The following CTNNA3 variants were observed in gnomAD, a reference collection of about 807,000 sequenced individuals.
The protein encoded by CTNNA3 is catenin alpha 3.
A neutral mutation model predicts 95.7 loss-of-function variants in CTNNA3; 76 were observed. That is an observed-to-expected ratio of 0.79 (90% CI 0.66 to 0.96). The LOEUF is 0.96. Among genes scored for constraint, CTNNA3 ranks in the 40% least tolerant of loss-of-function variants. The pLI is 0.00. For missense variants in CTNNA3, 1,191 were observed against 1,089.8 expected, an observed-to-expected ratio of 1.09 and a Z score of -1.31; for synonymous variants, 431 against 374.4, an observed-to-expected ratio of 1.15 and a Z score of -1.74.
intron 15 of CTNNA3, among the ~76,000 whole-genome samples, chr10:66,055,620 A>T (rs1416440186): frequency 2.6e-5 from 4 of 152,152 alleles, no homozygotes; most frequent in Admixed American, 2.6e-4. Context: ...GATAGTCTTT[A>T]GTTTTTTTAA....
intron 5 of CTNNA3, among the ~76,000 whole-genome samples, chr10:67,409,058 T>C (rs1180048733): frequency 3.3e-5 from 5 of 152,100 alleles, no homozygotes; most frequent in Admixed American, 1.3e-4. Context: ...CCAATCATAA[T>C]GGCAACTATT....
intron 9 of CTNNA3, among the ~76,000 whole-genome samples, chr10:66,751,177 A>G (rs927887773): frequency 5.4e-4 from 82 of 152,258 alleles, no homozygotes; most frequent in African/African-American, 2.0e-3. Flanking sequence ...CTGAGGCAGA[A>G]GAATCGCTTG....
chr10:67,245,879 A>G (rs2132343731), intron 5 of CTNNA3, among the ~76,000 whole-genome samples: 1 of 150,824 alleles, frequency 6.6e-6, no homozygotes, highest in Admixed American at 6.6e-5. Context: ...AAAAAACCAG[A>G]GAATTATCTA....
At chr10:66,797,889 C>T (rs1422235467) in intron 7 of CTNNA3, among the ~76,000 whole-genome samples, 1 of 151,894 alleles carries the variant, frequency 6.6e-6, no homozygotes, top group African/African-American at 2.4e-5. Flanking sequence ...TTTCCTATCT[C>T]ATTTAACATT....
intron 12 of CTNNA3, among the ~76,000 whole-genome samples, chr10:66,372,719 G>A (rs755129171): frequency 4.0e-4 from 61 of 152,128 alleles, no homozygotes; most frequent in Non-Finnish European, 1.8e-4. Flanking sequence ...TTACAATCAT[G>A]GCAGAAGGCA....
intron 8 of CTNNA3, among the ~76,000 whole-genome samples, chr10:66,773,563 G>A (rs796594155): frequency 6.6e-6 from 1 of 152,182 alleles, no homozygotes; most frequent in South Asian, 2.1e-4. Context: ...CCATTTGACT[G>A]CCACTATGTG....
intron 11 of CTNNA3, among the ~76,000 whole-genome samples, chr10:66,415,702 C>A (rs1198569183): frequency 6.6e-6 from 1 of 152,054 alleles, no homozygotes; most frequent in African/African-American, 2.4e-5. Flanking sequence ...ATAACTGGAC[C>A]CTAAGCCACC....
Position 67,041,188 on chromosome 10 carries a change from T to C in CTNNA3, c.1047+139129A>G, listed in dbSNP as rs141571768. On this transcript the variant is annotated intron_variant, in intron 7 of 17. Coordinates refer to ENST00000433211, the MANE Select transcript of CTNNA3 (RefSeq NM_013266.4). Reference sequence around the variant, plus strand: ...GATCATGTTCTGCCAGAGCAAATAGTACTGAAGAAAATCAAACTTGTCAGA... The same window carrying C: ...GATCATGTTCTGCCAGAGCAAATAGCACTGAAGAAAATCAAACTTGTCAGA... Among the ~76,000 whole-genome samples, 1,127 of 152,144 alleles carry C rather than the reference T, an allele frequency of 7.4e-3. 21 individuals are homozygous for C. Among genetic ancestry groups the C allele is most frequent in the African/African-American group, 0.026 (1,081 of 41,530 alleles).
intron 11 of CTNNA3, among the ~76,000 whole-genome samples, chr10:66,423,234 C>A (rs574440862): frequency 5.3e-5 from 8 of 152,124 alleles, no homozygotes; most frequent in Non-Finnish European, 1.0e-4. Context: ...TTTCCCATTA[C>A]ATATATGTTT....
chr10:66,738,196 G>A (rs1176292344), intron 9 of CTNNA3, among the ~76,000 whole-genome samples: 1 of 152,120 alleles, frequency 6.6e-6, no homozygotes, highest in Non-Finnish European at 1.5e-5. Flanking sequence ...AATTCCCAAG[G>A]ATTGTCAGCT....
chr10:66,763,341 C>CACACAGAGAGAGAG (rs371974709), intron 9 of CTNNA3, among the ~76,000 whole-genome samples: 19 of 139,212 alleles, frequency 1.4e-4, no homozygotes, highest in East Asian at 6.5e-4. Flanking sequence ...CACACACACA[C>CACACAGAGAGAGAG]AGAGAGAGAG....
chr10:66,812,458 A>C (rs1841920951), intron 7 of CTNNA3, among the ~76,000 whole-genome samples: 1 of 152,138 alleles, frequency 6.6e-6, no homozygotes, highest in Admixed American at 6.5e-5. Flanking sequence ...ACATAATACA[A>C]TGGTTAAATA....
intron 13 of CTNNA3, among the ~76,000 whole-genome samples, chr10:66,183,092 C>A (rs2086139740): frequency 6.6e-6 from 1 of 152,114 alleles, no homozygotes. Context: ...CACAAAATGG[C>A]TACTATATCA....
chr10:67,430,167 T>C (rs890150257), intron 5 of CTNNA3, among the ~76,000 whole-genome samples: 1 of 151,986 alleles, frequency 6.6e-6, no homozygotes, highest in East Asian at 1.9e-4. Flanking sequence ...ATTCCAAATA[T>C]GACCAAAAAT....
At chr10:67,171,203 T>C (rs1174782661) in intron 7 of CTNNA3, among the ~76,000 whole-genome samples, 1 of 152,202 alleles carries the variant, frequency 6.6e-6, no homozygotes, top group Admixed American at 6.5e-5. Context: ...TTTTGTACCA[T>C]TAAATGGTTT....
intron 5 of CTNNA3, among the ~76,000 whole-genome samples, chr10:67,388,364 A>C (rs1307248223): frequency 7.2e-6 from 1 of 138,778 alleles, no homozygotes; most frequent in Non-Finnish European, 1.5e-5. Context: ...TAGAGAAAAA[A>C]GAATAAAAAG....
intron 7 of CTNNA3, chr10:67,012,378 C>A (rs1300603574): frequency 6.6e-6 from 1 of 152,130 alleles, no homozygotes; most frequent in Non-Finnish European, 1.5e-5. Flanking sequence ...AGTATCTTCT[C>A]CCCTTTTCCC....
intron 13 of CTNNA3, among the ~76,000 whole-genome samples, chr10:66,122,563 A>G (rs2082628754): frequency 6.6e-6 from 1 of 152,202 alleles, no homozygotes; most frequent in African/African-American, 2.4e-5. Flanking sequence ...CAGAAAACCA[A>G]AGACATCTTG....
intron 9 of CTNNA3, among the ~76,000 whole-genome samples, chr10:66,666,698 A>G (rs917580720): frequency 1.2e-4 from 19 of 152,278 alleles, no homozygotes; most frequent in African/African-American, 4.6e-4. Flanking sequence ...TGCTAAGAAC[A>G]GAATTTTTCT....
Sources: allele counts gnomAD v4.1 joint callset (sites outside exome capture counted in the v4.1 genomes callset), GRCh38; gene constraint gnomAD v4.1.1; transcripts MANE v1.5; gene names NCBI Gene and HGNC (gene_info 2026-07-23, HGNC 2026-07-21).